The following PPM1M variants were observed in gnomAD, a reference collection of about 807,000 sequenced individuals.
PPM1M encodes protein phosphatase 1M.
Under a neutral mutation model 50.8 loss-of-function variants are expected in PPM1M, and 44 were observed. That is an observed-to-expected ratio of 0.87 (90% CI 0.68 to 1.11). The LOEUF is 1.11. PPM1M is among the 50% of genes most tolerant of loss of function. The probability of loss-of-function intolerance (pLI) is 0.00; values close to 1 mark genes in which losing one functional copy is unlikely to be tolerated. For missense variants in PPM1M, 556 were observed against 593.4 expected, an observed-to-expected ratio of 0.94 and a Z score of 0.66; for synonymous variants, 224 against 242.9, an observed-to-expected ratio of 0.92 and a Z score of 0.72.
chr3:52,247,337 G>A, intron 3 of PPM1M, 109 bp downstream of exon 3: 1 of 1,448,576 alleles, frequency 6.9e-7, no homozygotes, highest in Non-Finnish European at 9.3e-7. Flanking sequence ...CTTGGATTGG[G>A]AGGATGAGAT....
chr3:52,247,131 G>A lies in PPM1M; in HGVS notation c.500G>A (p.Arg167His), dbSNP rs755398779. 1.5e-5 allele frequency: 24 copies of A among 1,610,012 alleles called. No homozygotes were observed. The highest frequency in any genetic ancestry group is 1.1e-4 in the South Asian group (10 of 90,018). The change falls in exon 3 of 10, where the codon CGC (arginine) becomes CAC (histidine). Residue 167 changes from arginine (R) to histidine (H), a missense_variant. Coordinates refer to ENST00000323588, the MANE Select transcript of PPM1M (RefSeq NM_144641.4). ...CAGCCCCCCATGCACCTCAATGGCC[G>A]CTGCATCTGCCCCAGTGACCCTCAG... ...ATQPPMHLNG[R>H]CICPSDPQFV...
chr3:52,248,577 G>A (rs1699905295), intron 6 of PPM1M, 60 bp from the exon 7 acceptor site: 2 of 1,605,226 alleles, frequency 1.2e-6, no homozygotes, highest in African/African-American at 2.7e-5. Context: ...TGGGCCCTGA[G>A]TTGGGGAAAG....
intron 3 of PPM1M, 149 bp from the exon 4 acceptor site, chr3:52,247,533 T>G: frequency 1.5e-6 from 1 of 678,410 alleles, no homozygotes; most frequent in East Asian, 2.7e-5. Flanking sequence ...ATCTCCTGAC[T>G]GCAGGGATCT....
chr3:52,249,141 G>T (rs765624284), intron 8 of PPM1M, 33 bp from the exon 9 acceptor site: 34 of 1,612,650 alleles, frequency 2.1e-5, no homozygotes, highest in Middle Eastern at 1.6e-4. Context: ...AGTCGGGAAG[G>T]GAGTGTGCAG....
At chr3:52,249,435 C>G in intron 9 of PPM1M, 113 bp downstream of exon 9, 1 of 1,415,966 alleles carries the variant, frequency 7.1e-7, no homozygotes, top group Non-Finnish European at 9.7e-7. Flanking sequence ...TGGCCAGGAT[C>G]AGGGCTGTCT....
chr3:52,249,125 G>A (rs1699916983), intron 8 of PPM1M, 49 bp from the exon 9 acceptor site: 1 of 1,610,950 alleles, frequency 6.2e-7, no homozygotes, highest in Non-Finnish European at 8.5e-7. Flanking sequence ...CAGTGAGGCT[G>A]GTGGGAGTCG....
intron 3 of PPM1M, 31 bp from the exon 4 acceptor site, chr3:52,247,651 C>A: frequency 7.2e-7 from 1 of 1,384,824 alleles, no homozygotes; most frequent in Non-Finnish European, 1.0e-6. Flanking sequence ...GCAGAACAGG[C>A]AGCAGCTAAG....
At position 52,246,175 on chromosome 3, in the gene PPM1M, C is replaced by T. The variant is rs532604135; in HGVS notation, c.224+127C>T. The T allele has an allele frequency of 1.1e-4, 111 of 1,018,654 alleles. No individual in the cohort carries two copies. The African/African-American group carries it at 1.8e-3, about 17-fold the overall frequency. The allele number at this position is 1,018,654 out of a possible 1,614,324, so 63.1% of individuals were successfully genotyped here. A position where few individuals can be genotyped will look rare whatever the true frequency, so the allele number is the denominator to read the frequency against. On this transcript the variant is annotated intron_variant, in intron 1 of 9. Transcript: ENST00000323588. ...CCACCTGTGGACAGCCCCTTCTTGC[C>T]CTCACCTCCGAATCCTGACAACTTC...
chr3:52,247,509 C>G, intron 3 of PPM1M, 173 bp from the exon 4 acceptor site: 1 of 658,420 alleles, frequency 1.5e-6, no homozygotes, highest in Non-Finnish European at 2.6e-6. Flanking sequence ...TTGAGTAGCA[C>G]TTCCCTTGTC....
At position 52,249,727 on chromosome 3, in the gene PPM1M, C is replaced by T; in HGVS notation, c.1293C>T (p.Leu431=). The T allele has an allele frequency of 6.2e-7, 1 of 1,613,952 alleles. No homozygotes were observed. Among genetic ancestry groups the T allele is most frequent in the Non-Finnish European group, 8.5e-7 (1 of 1,179,864 alleles). The change falls in exon 10 of 10, where the codon CTC becomes CTT. Residue 431 remains leucine, a synonymous_variant. Transcript: ENST00000323588. ...GCACACAGGGAAAGGAAGACAGTCT[C>T]ACAGAGGAAGGGCAGGTGTCCTACG... ...IHSTQGKEDS[L]TEEGQVSYDD...
In PPM1M at chr3:52,248,989, G is replaced by A; in HGVS notation, c.1012G>A (p.Gly338Ser). Reference sequence around the variant, plus strand: ...ACTAGGAACACTGGCTGTCTCCCGGGGCCTGGGAGACCATCAGCTCAGAGT... The same window carrying A: ...ACTAGGAACACTGGCTGTCTCCCGGAGCCTGGGAGACCATCAGCTCAGAGT... ...RLLGTLAVSR[G>S]LGDHQLRVLD... is the part of the protein sequence containing the mutation. Residue 338 changes from glycine (G) to serine (S), a missense_variant, in exon 8 of 10, where the codon GGC becomes AGC. Physicochemically the swap from Gly to Ser is moderately conservative, Grantham distance 56 (BLOSUM62 0). Transcript: ENST00000323588. 1 of 1,610,300 alleles carries A rather than the reference G, an allele frequency of 6.2e-7. No individual in the cohort carries two copies. The highest frequency in any genetic ancestry group is 1.1e-5 in the South Asian group (1 of 90,306).
In PPM1M at chr3:52,245,989, C is replaced by T; in HGVS notation, c.165C>T (p.Ser55=). Residue 55 remains serine, a synonymous_variant, in exon 1 of 10, where the codon TCC becomes TCT. Coordinates refer to ENST00000323588, the MANE Select transcript of PPM1M (RefSeq NM_144641.4). This position sits in a 1 kb window ranked among gnomAD's most constrained non-coding sequence, Gnocchi z 4.8. ...GAADASRRPD[S]RPVRSPARGR... ...CCGACGCCTCGCGCCGCCCAGACTC[C>T]CGGCCCGTGCGCAGCCCCGCACGAG... 1 of 1,244,960 alleles carries T rather than the reference C, an allele frequency of 8.0e-7. No individual in the cohort carries two copies. The highest frequency in any genetic ancestry group is 1.0e-6 in the Non-Finnish European group (1 of 968,336). The allele number at this position is 1,244,960 out of a possible 1,614,324, so 77.1% of individuals were successfully genotyped here. A position where few individuals can be genotyped will look rare whatever the true frequency, so the allele number is the denominator to read the frequency against.
At position 52,245,885 on chromosome 3, in the gene PPM1M, C is replaced by A; in HGVS notation, c.61C>A (p.Pro21Thr). The A allele has an allele frequency of 1.8e-6, 2 of 1,102,698 alleles. No individual in the cohort carries two copies. Among genetic ancestry groups the A allele is most frequent in the Non-Finnish European group, 1.1e-6 (1 of 893,274 alleles). 68.3% of individuals were successfully genotyped at this position (1,102,698 alleles called of 1,614,324 possible). A position where few individuals can be genotyped will look rare whatever the true frequency, so the allele number is the denominator to read the frequency against. Residue 21 changes from proline (P) to threonine (T), a missense_variant, in exon 1 of 10, where the codon CCG becomes ACG. By Grantham distance (38) the Pro-to-Thr change is conservative. Coordinates refer to ENST00000323588, the MANE Select transcript of PPM1M (RefSeq NM_144641.4). This position sits in a 1 kb window ranked among gnomAD's most constrained non-coding sequence, Gnocchi z 4.8. ...TGGGGAGCCGCTCCCCGCGCCGCGGCCGCCTGGGCCGCATGCCAGCCCCGT... is the reference window on the plus strand; with the variant it reads ...TGGGGAGCCGCTCCCCGCGCCGCGGACGCCTGGGCCGCATGCCAGCCCCGT... ...LPGEPLPAPR[P>T]PGPHASPVPY...
Position 52,247,750 on chromosome 3 carries a change from G to A in PPM1M, c.666G>A (p.Val222=). 6.2e-7 allele frequency: 1 copy of A among 1,605,836 alleles called. No individual in the cohort carries two copies. The highest frequency in any genetic ancestry group is 1.7e-4 in the Middle Eastern group (1 of 5,978). ...GCGGCTGCACAGCCCTGGTGGCTGT[G>A]TCCCTGCAGGGAAAGCTGTACATGG... ...QMGGCTALVA[V]SLQGKLYMAN... is the part of the protein sequence containing the mutation. The change falls in exon 4 of 10, where the codon GTG becomes GTA. Residue 222 remains valine (V), a synonymous_variant. Coordinates refer to ENST00000323588, the MANE Select transcript of PPM1M (RefSeq NM_144641.4).
rs765862796 is a variant in PPM1M, at chr3:52,249,732, A to G, written c.1298A>G (p.Glu433Gly). The change falls in exon 10 of 10, where the codon GAG becomes GGG. Residue 433 changes from glutamate to glycine, a missense_variant. Glu to Gly is a moderately conservative substitution (Grantham distance 98). Transcript: ENST00000323588. ...STQGKEDSLT[E>G]EGQVSYDDVS... is the part of the protein sequence containing the mutation. The stretch of plus-strand genomic sequence containing the variant: ...CAGGGAAAGGAAGACAGTCTCACAG[A>G]GGAAGGGCAGGTGTCCTACGATGAC... 3 of 1,613,962 alleles carry G rather than the reference A, an allele frequency of 1.9e-6. No homozygotes were observed. In the South Asian group the frequency reaches 3.3e-5, roughly 18 times the overall value.
chr3:52,247,743 TG>T lies in PPM1M; in HGVS notation c.661del (p.Ala221LeufsTer29), dbSNP rs1295506692. 2 of 1,467,466 alleles carry T rather than the reference TG, an allele frequency of 1.4e-6. No homozygotes were observed. Among genetic ancestry groups the T allele is most frequent in the Admixed American group, 3.7e-5 (2 of 54,386 alleles). The allele number at this position is 1,467,466 out of a possible 1,614,324, so 90.9% of individuals were successfully genotyped here. ...SGQMGGCTAL[V>X]AVSLQGKLYM... ...CAGATGGGCGGCTGCACAGCCCTGG[TG>T]GCTGTGTCCCTGCAGGGAAAGCTGT... is the stretch of plus-strand genomic sequence containing the variant. On this transcript the variant is annotated frameshift_variant, in exon 4 of 10. Coordinates refer to ENST00000323588, the MANE Select transcript of PPM1M (RefSeq NM_144641.4). LOFTEE classifies it high-confidence loss of function.
In PPM1M at chr3:52,248,149, C is replaced by A. The variant is rs556055336; in HGVS notation, c.711-4C>A. The A allele has an allele frequency of 1.1e-5, 17 of 1,609,168 alleles. No individual in the cohort carries two copies. The East Asian group carries it at 3.6e-4, about 34-fold the overall frequency. ...TAGACCTCTCCCTTCTCTCCTCAAT[C>A]CAGGGCCATCTTGGTGCGGAGAGAT... On this transcript the variant is annotated splice_polypyrimidine_tract_variant and splice_region_variant and intron_variant, in intron 4 of 9. Transcript: ENST00000323588.
chr3:52,246,831 C>A lies in PPM1M; in HGVS notation c.342+19C>A, dbSNP rs766000183. 5.9e-5 allele frequency: 85 copies of A among 1,446,434 alleles called. No individual in the cohort carries two copies. The African/African-American group carries it at 1.1e-3, about 19-fold the overall frequency. The allele number at this position is 1,446,434 out of a possible 1,614,324, so 89.6% of individuals were successfully genotyped here. ...AGAGGAGGTGAGTGCAGTCTGAGTT[C>A]TTGGCTGGAATCCCTCCGACAGGCT... On this transcript the variant is annotated intron_variant, in intron 2 of 9. Transcript: ENST00000323588.
intron 7 of PPM1M, 101 bp from the exon 8 acceptor site, chr3:52,248,855 C>T: frequency 1.6e-6 from 2 of 1,235,760 alleles, no homozygotes; most frequent in South Asian, 1.3e-5. Flanking sequence ...CTTCCAAGGG[C>T]CACAGTCCAC....
Sources: gnomAD v4.1 joint callset for allele counts on GRCh38, gnomAD v4.1.1 for gene constraint, Gnocchi (gnomAD v3.1) non-coding constraint, MANE v1.5 for transcripts, NCBI Gene and HGNC (gene_info 2026-07-23, HGNC 2026-07-21) for gene names.